KIAA0319L: variants seen among roughly 807,000 people sequenced by gnomAD.
KIAA0319L encodes the protein dyslexia-associated protein KIAA0319-like protein.
In KIAA0319L, 55 loss-of-function variants were observed where a neutral mutation model predicts 120.1. That is an observed-to-expected ratio of 0.46 (90% CI 0.37 to 0.57). The LOEUF is 0.57. Among genes scored for constraint, KIAA0319L ranks in the 20% least tolerant of loss-of-function variants. The probability of loss-of-function intolerance (pLI) is 0.00; values close to 1 mark genes in which losing one functional copy is unlikely to be tolerated. For synonymous variants in KIAA0319L, 398 were observed against 471.9 expected (o/e 0.84, Z 2.03); for missense variants, 1,049 against 1,255.3 (o/e 0.84, Z 2.48).
At chr1:35,447,565 T>G (rs1237164950) in intron 16 of KIAA0319L, among the ~76,000 whole-genome samples, 1 of 149,326 alleles carries the variant, frequency 6.7e-6, no homozygotes, top group Admixed American at 6.7e-5. Flanking sequence ...CCTTTTCCCC[T>G]TTTTTTTTCT....
In KIAA0319L at chr1:35,506,472, G is replaced by T; in HGVS notation, c.666+140C>A. On this transcript the variant is annotated intron_variant, in intron 3 of 20. Coordinates refer to ENST00000325722, the MANE Select transcript of KIAA0319L (RefSeq NM_024874.5). This position sits in a 1 kb window ranked among gnomAD's most constrained non-coding sequence, Gnocchi z 4.0. Reference sequence around the variant, plus strand: ...CTTTGTACATCTGGGCAGCACCAAAGAAGCTGACACCAAGCAGCTTTATAT... The same window carrying T: ...CTTTGTACATCTGGGCAGCACCAAATAAGCTGACACCAAGCAGCTTTATAT... 1.3e-6 allele frequency: 1 copy of T among 766,460 alleles called. No homozygotes were observed. The highest frequency in any genetic ancestry group is 2.1e-6 in the Non-Finnish European group (1 of 471,772). 47.5% of individuals were successfully genotyped at this position (766,460 alleles called of 1,614,324 possible).
rs1337143578 is a variant in KIAA0319L, at chr1:35,479,958, A to AC, written c.667-747_667-746insG. ...TGTTTATGATGAGCCAAAAAAAAAA[A>AC]AAAAAAAAAAAAAACACAAGCTAAA... On this transcript the variant is annotated intron_variant, in intron 3 of 20. Coordinates refer to ENST00000325722, the MANE Select transcript of KIAA0319L (RefSeq NM_024874.5). 3.2e-3 allele frequency among the ~76,000 whole-genome samples: 452 copies of AC among 141,244 alleles called. 6 individuals are homozygous for AC. The highest frequency in any genetic ancestry group is 0.012 in the African/African-American group (407 of 34,148). 92.7% of individuals were successfully genotyped at this position (141,244 alleles called of 152,430 possible).
chr1:35,529,136 C>T (rs909161376), intron 2 of KIAA0319L, among the ~76,000 whole-genome samples: 2 of 152,192 alleles, frequency 1.3e-5, no homozygotes, highest in East Asian at 3.8e-4. Flanking sequence ...CTCCCAGGCT[C>T]AAGCAATCCT....
chr1:35,473,918 G>A (rs1643791912), intron 5 of KIAA0319L, among the ~76,000 whole-genome samples: 1 of 152,144 alleles, frequency 6.6e-6, no homozygotes, highest in African/African-American at 2.4e-5. Flanking sequence ...CCTAAATAGT[G>A]TTAAGAGAAC....
rs544313458 is a variant in KIAA0319L, at chr1:35,462,863, T to G, written c.1202-150A>C. The G allele has an allele frequency of 6.3e-5, 40 of 635,330 alleles. No homozygotes were observed. The African/African-American group carries it at 7.0e-4, about 11-fold the overall frequency. 39.4% of individuals were successfully genotyped at this position (635,330 alleles called of 1,614,324 possible). ...GGGACCAGTTTTGTGGAAGACAATT[T>G]TTCCATGAACGGGTGGTGGGGGTTG... is the stretch of plus-strand genomic sequence containing the variant. On this transcript the variant is annotated intron_variant, in intron 7 of 20. Coordinates refer to ENST00000325722, the MANE Select transcript of KIAA0319L (RefSeq NM_024874.5).
chr1:35,462,905 G>A (rs1277728843), intron 7 of KIAA0319L, among the ~76,000 whole-genome samples, 192 bp from the exon 8 acceptor site: 1 of 152,180 alleles, frequency 6.6e-6, no homozygotes, highest in Non-Finnish European at 1.5e-5. Flanking sequence ...GGGGTGCAGT[G>A]CATGGTTTTG....
In KIAA0319L at chr1:35,513,294, T is replaced by A. The variant is rs1442684921; in HGVS notation, c.143-6159A>T. On this transcript the variant is annotated intron_variant, in intron 2 of 20. Transcript: ENST00000325722. ...TATATATATATATATATATATTTTT[T>A]TTTTTTTTTTTTTCTGTCCAGTATA... 2.8e-3 allele frequency among the ~76,000 whole-genome samples: 364 copies of A among 128,198 alleles called. 3 individuals are homozygous for A. Among genetic ancestry groups the A allele is most frequent in the African/African-American group, 5.6e-3 (176 of 31,708 alleles). 84.1% of individuals were successfully genotyped at this position (128,198 alleles called of 152,430 possible). A position where few individuals can be genotyped will look rare whatever the true frequency, so the allele number is the denominator to read the frequency against.
rs372672865 is a variant in KIAA0319L, at chr1:35,465,968, T to A, written c.1201+640A>T. ...TGAGGCCTCCCCAGCCACGTGGAACTGTAAGTCCATTAAACCTCTTTCTTT... is the reference window on the plus strand; with the variant it reads ...TGAGGCCTCCCCAGCCACGTGGAACAGTAAGTCCATTAAACCTCTTTCTTT... On this transcript the variant is annotated intron_variant, in intron 7 of 20. Transcript: ENST00000325722. 9.8e-4 allele frequency among the ~76,000 whole-genome samples: 150 copies of A among 152,322 alleles called. No homozygotes were observed. In the East Asian group the frequency reaches 0.014, roughly 14 times the overall value.
At chr1:35,463,314 A>G (rs1040650176) in intron 7 of KIAA0319L, among the ~76,000 whole-genome samples, 3 of 152,214 alleles carry the variant, frequency 2.0e-5, no homozygotes, top group African/African-American at 7.2e-5. Context: ...TTCAATGCTC[A>G]TGTGCTATCT....
intron 2 of KIAA0319L, among the ~76,000 whole-genome samples, chr1:35,534,012 C>A (rs553234815): frequency 6.6e-6 from 1 of 152,170 alleles, no homozygotes; most frequent in Non-Finnish European, 1.5e-5. Flanking sequence ...TCAGGTATTA[C>A]GAAGTTTGAA....
Position 35,555,344 on chromosome 1 carries a change from A to G in KIAA0319L, c.-28-825T>C, listed in dbSNP as rs79962971. 7.5e-3 allele frequency among the ~76,000 whole-genome samples: 1,145 copies of G among 152,340 alleles called. 5 individuals are homozygous for G. The highest frequency in any genetic ancestry group is 0.013 in the Non-Finnish European group (870 of 68,024). On this transcript the variant is annotated intron_variant, in intron 1 of 20. Coordinates refer to ENST00000325722, the MANE Select transcript of KIAA0319L (RefSeq NM_024874.5). ...GTCATCTACATCCAGCAAACGACACAGGCTGCCAACCCCTAACTCCTATCC... is the reference window on the plus strand; with the variant it reads ...GTCATCTACATCCAGCAAACGACACGGGCTGCCAACCCCTAACTCCTATCC...
At chr1:35,479,366 G>A (rs1160147469) in intron 3 of KIAA0319L, among the ~76,000 whole-genome samples, 154 bp from the exon 4 acceptor site, 3 of 152,104 alleles carry the variant, frequency 2.0e-5, no homozygotes, top group South Asian at 4.1e-4. Context: ...AATAAAAGTG[G>A]TGTTAAATGT....
chr1:35,525,622 A>AT (rs1646096587), intron 2 of KIAA0319L, among the ~76,000 whole-genome samples: 1 of 152,040 alleles, frequency 6.6e-6, no homozygotes. Flanking sequence ...ATTTTTTCAC[A>AT]TATCTGTTAA....
At chr1:35,486,853 G>GT (rs1295663852) in intron 3 of KIAA0319L, among the ~76,000 whole-genome samples, 1 of 152,022 alleles carries the variant, frequency 6.6e-6, no homozygotes, top group East Asian at 1.9e-4. Context: ...TGAGGCTGCA[G>GT]TAAGCCAAGA....
At chr1:35,541,070 T>C (rs538912845) in intron 2 of KIAA0319L, among the ~76,000 whole-genome samples, 1 of 152,164 alleles carries the variant, frequency 6.6e-6, no homozygotes, top group South Asian at 2.1e-4. Context: ...GTCTCTCAAG[T>C]AGCTGGGACC....
intron 12 of KIAA0319L, 68 bp from the exon 13 acceptor site, chr1:35,451,844 G>A (rs1221344434): frequency 1.3e-6 from 2 of 1,519,890 alleles, no homozygotes; most frequent in East Asian, 2.3e-5. Flanking sequence ...AACTTAGCAG[G>A]AGGAGACAAT....
At chr1:35,484,818 A>C (rs1328353608) in intron 3 of KIAA0319L, among the ~76,000 whole-genome samples, 1 of 75,064 alleles carries the variant, frequency 1.3e-5, no homozygotes, top group African/African-American at 4.1e-5. Context: ...TTTTTTTTTT[A>C]TTATACTCTA....
In KIAA0319L at chr1:35,479,113, C is replaced by T. The variant is rs1644034426; in HGVS notation, c.766G>A (p.Glu256Lys). Reference sequence around the variant, plus strand: ...GTGCTGGGCGTAGTAGCAAGACCCTCTGATATTTCAGGTTGCACTGATACA... The same window carrying T: ...GTGCTGGGCGTAGTAGCAAGACCCTTTGATATTTCAGGTTGCACTGATACA... ...KNVSVQPEIS[E>K]GLATTPSTQQ... The change falls in exon 4 of 21, where the codon GAG (glutamate) becomes AAG (lysine). Residue 256 changes from glutamate (E) to lysine (K), a missense_variant. By Grantham distance (56) the Glu-to-Lys change is moderately conservative. Transcript: ENST00000325722. The T allele has an allele frequency of 6.2e-7, 1 of 1,614,050 alleles. No homozygotes were observed. Among genetic ancestry groups the T allele is most frequent in the African/African-American group, 1.3e-5 (1 of 74,902 alleles).
chr1:35,483,533 A>ATATAGG (rs1644254805), intron 3 of KIAA0319L, among the ~76,000 whole-genome samples: 1 of 152,232 alleles, frequency 6.6e-6, no homozygotes. Context: ...TCAATGGACC[A>ATATAGG]TATAGGTGTG....
Sources: gnomAD v4.1 joint callset for allele counts (sites outside exome capture counted in the v4.1 genomes callset) on GRCh38, gnomAD v4.1.1 for gene constraint, Gnocchi (gnomAD v3.1) non-coding constraint, MANE v1.5 for transcripts, NCBI Gene and HGNC (gene_info 2026-07-23, HGNC 2026-07-21) for gene names.